Variants in ERCC8 observed in about 807,000 individuals in gnomAD.
ERCC8 encodes the protein DNA excision repair protein ERCC-8.
In ERCC8, 52 loss-of-function variants were observed where a neutral mutation model predicts 54.9. The ratio of observed to expected loss-of-function variants is 0.95; its 90% CI spans 0.76 to 1.19. The LOEUF (loss-of-function observed/expected upper bound fraction) is 1.19, where lower values mean the gene tolerates loss of function less well. Ranked by LOEUF, ERCC8 falls within the 50% of genes most tolerant of loss-of-function variation. ERCC8 has a pLI of 0.00. For synonymous variants in ERCC8, 146 were observed against 157.2 expected, an observed-to-expected ratio of 0.93 and a Z score of 0.53; for missense variants, 514 against 466.1, an observed-to-expected ratio of 1.10 and a Z score of -0.95.
chr5:60,887,599 T>TA, intron 10 of ERCC8, 79 bp from the exon 11 acceptor site: 1 of 1,039,728 alleles, frequency 9.6e-7, no homozygotes, highest in South Asian at 1.3e-5. Context: ...ATTTTTGAAA[T>TA]AATTAGGTCA....
chr5:60,901,483 T>C (rs192970383), intron 7 of ERCC8, among the ~76,000 whole-genome samples: 36 of 152,158 alleles, frequency 2.4e-4, no homozygotes, highest in Admixed American at 2.2e-3. Flanking sequence ...CCATACTATC[T>C]TTCCTCAAAA....
intron 1 of ERCC8, among the ~76,000 whole-genome samples, chr5:60,933,363 C>A (rs551404931): frequency 6.6e-6 from 1 of 151,602 alleles, no homozygotes; most frequent in South Asian, 2.1e-4. Context: ...GGATTATAGG[C>A]ATCTGCCACC....
At chr5:60,882,550 G>A (rs1006050091) in intron 11 of ERCC8, among the ~76,000 whole-genome samples, 3 of 152,030 alleles carry the variant, frequency 2.0e-5, no homozygotes, top group Non-Finnish European at 4.4e-5. Flanking sequence ...GCATGCCACC[G>A]GCGAATTTTT....
chr5:60,905,687 C>A (rs1749050627), intron 4 of ERCC8, among the ~76,000 whole-genome samples: 1 of 152,202 alleles, frequency 6.6e-6, no homozygotes, highest in Admixed American at 6.5e-5. Context: ...TAACTGCTCA[C>A]CAGGTTCTTC....
At chr5:60,889,408 C>T (rs755712452) in intron 10 of ERCC8, among the ~76,000 whole-genome samples, 5 of 152,192 alleles carry the variant, frequency 3.3e-5, no homozygotes, top group Non-Finnish European at 7.3e-5. Context: ...TGGACTCAAG[C>T]AATTCTCTTG....
At chr5:60,920,179 T>C (rs1386797495) in intron 3 of ERCC8, among the ~76,000 whole-genome samples, 1 of 151,960 alleles carries the variant, frequency 6.6e-6, no homozygotes, top group Non-Finnish European at 1.5e-5. Flanking sequence ...CCTGACTTCT[T>C]TTGTTTTCTG....
At chr5:60,911,684 G>C (rs1749270222) in intron 4 of ERCC8, among the ~76,000 whole-genome samples, 1 of 152,082 alleles carries the variant, frequency 6.6e-6, no homozygotes, top group African/African-American at 2.4e-5. Flanking sequence ...GTCCTGAATG[G>C]TACTGCCTAG....
intron 11 of ERCC8, among the ~76,000 whole-genome samples, chr5:60,878,383 C>T (rs979892752): frequency 1.3e-5 from 2 of 152,168 alleles, no homozygotes; most frequent in Non-Finnish European, 2.9e-5. Context: ...ATGCTGACCT[C>T]ATCAAATGAG....
At chr5:60,936,251 TG>T (rs1750062842) in intron 1 of ERCC8, among the ~76,000 whole-genome samples, 1 of 152,174 alleles carries the variant, frequency 6.6e-6, no homozygotes, top group South Asian at 2.1e-4. Context: ...CTAGGAGGGT[TG>T]CGTATTTCCA....
Position 60,902,394 on chromosome 5 carries a change from T to C in ERCC8, c.617+48A>G, listed in dbSNP as rs750051495. ...TTACATAAATGTAGACTTTTCAAAATGCTTATTATTAATTACTAACTTCAA... is the reference window on the plus strand; with the variant it reads ...TTACATAAATGTAGACTTTTCAAAACGCTTATTATTAATTACTAACTTCAA... On this transcript the variant is annotated intron_variant, in intron 7 of 11. Coordinates refer to ENST00000676185, the MANE Select transcript of ERCC8 (RefSeq NM_000082.4). The C allele has an allele frequency of 2.2e-6, 3 of 1,349,282 alleles. No homozygotes were observed. The South Asian group carries it at 3.6e-5, about 16-fold the overall frequency. 83.6% of individuals were successfully genotyped at this position (1,349,282 alleles called of 1,614,324 possible).
chr5:60,922,020 C>A (rs763091752), intron 3 of ERCC8, 34 bp downstream of exon 3: 11 of 1,468,968 alleles, frequency 7.5e-6, no homozygotes, highest in Non-Finnish European at 1.0e-5. Context: ...CAACTATTTA[C>A]AAATTCATAA....
chr5:60,875,789 C>T (rs1428415030), intron 11 of ERCC8, among the ~76,000 whole-genome samples: 2 of 152,138 alleles, frequency 1.3e-5, no homozygotes, highest in Non-Finnish European at 1.5e-5. Context: ...CTCCGCCTCC[C>T]GGGTTCACGC....
rs1747759821 is a variant in ERCC8 at position 60,866,862 on chromosome 5, T to C, written c.*7753A>G. ...TTTTCTGTCCCCTTCCTTTTTTTTTTGAGATGGAGTCTCGCTCTCTTGTCC... is the reference window on the plus strand; with the variant it reads ...TTTTCTGTCCCCTTCCTTTTTTTTTCGAGATGGAGTCTCGCTCTCTTGTCC... On this transcript the variant is annotated 3_prime_UTR_variant, in exon 12 of 12. Coordinates refer to ENST00000676185, the MANE Select transcript of ERCC8 (RefSeq NM_000082.4). 1.3e-5 allele frequency: 2 copies of C among 152,182 alleles called. No homozygotes were observed. Among genetic ancestry groups the C allele is most frequent in the South Asian group, 2.1e-4 (1 of 4,828 alleles). 9.4% of individuals were successfully genotyped at this position (152,182 alleles called of 1,614,324 possible).
intron 3 of ERCC8, among the ~76,000 whole-genome samples, chr5:60,919,205 T>C (rs969475687): frequency 2.0e-5 from 3 of 152,018 alleles, no homozygotes; most frequent in African/African-American, 4.8e-5. Context: ...ATATAAATAA[T>C]TATGAATAAA....
At chr5:60,902,566 G>C (rs543955758) in intron 6 of ERCC8, 58 bp from the exon 7 acceptor site, 1 of 1,453,828 alleles carries the variant, frequency 6.9e-7, no homozygotes, top group East Asian at 2.3e-5. Flanking sequence ...AGAAGATAAA[G>C]TGCCAATAAT....
Position 60,898,355 on chromosome 5 carries a change from C to T in ERCC8, c.764G>A (p.Ser255Asn), listed in dbSNP as rs1288989175. 4 of 1,613,540 alleles carry T rather than the reference C, an allele frequency of 2.5e-6. No individual in the cohort carries two copies. In the Admixed American group the frequency reaches 5.0e-5, roughly 20 times the overall value. Residue 255 changes from serine (S) to asparagine (N), a missense_variant, in exon 9 of 12, where the codon AGT becomes AAT. Physicochemically the swap from Ser to Asn is conservative, Grantham distance 46 (BLOSUM62 1). Coordinates refer to ENST00000676185, the MANE Select transcript of ERCC8 (RefSeq NM_000082.4). The stretch of plus-strand genomic sequence containing the variant: ...AACAGTGAGGAGGTGAAGTCCATCA[C>T]TTGTAAAACATAAGCCATTAACTTT... The part of the protein sequence containing the change: ...NGKVNGLCFT[S>N]DGLHLLTVGT...
intron 9 of ERCC8, among the ~76,000 whole-genome samples, chr5:60,897,735 T>C (rs1748761275): frequency 6.6e-6 from 1 of 152,226 alleles, no homozygotes; most frequent in Admixed American, 6.5e-5. Flanking sequence ...TCATATATAG[T>C]ACAGGTTAAG....
At chr5:60,887,328 A>T in intron 11 of ERCC8, 112 bp downstream of exon 11, 1 of 883,212 alleles carries the variant, frequency 1.1e-6, no homozygotes, top group Non-Finnish European at 1.9e-6. Context: ...CTGGGACTAT[A>T]GGTGCATGCC....
rs759289261 is a variant in ERCC8 at position 60,868,384 on chromosome 5, A to T, written c.*6231T>A. Among the ~76,000 whole-genome samples, 1 of 152,208 alleles carries T rather than the reference A, an allele frequency of 6.6e-6. No homozygotes were observed. The highest frequency in any genetic ancestry group is 1.5e-5 in the Non-Finnish European group (1 of 68,030). On this transcript the variant is annotated 3_prime_UTR_variant, in exon 12 of 12. Coordinates refer to ENST00000676185, the MANE Select transcript of ERCC8 (RefSeq NM_000082.4). ...TCAATCCACTAGCACAAAGTTTACC[A>T]GTATCTTCATGAGGAGTGGTCAGTC...
Sources: allele counts gnomAD v4.1 joint callset (sites outside exome capture counted in the v4.1 genomes callset), GRCh38; gene constraint gnomAD v4.1.1; transcripts MANE v1.5; gene names NCBI Gene and HGNC (gene_info 2026-07-23, HGNC 2026-07-21).